The following PLSCR2 variants were observed in gnomAD, a reference collection of about 807,000 sequenced individuals.
PLSCR2 encodes PL scramblase 2.
PLSCR2 carries 18 observed loss-of-function variants against 25.3 expected under a neutral mutation model. The observed-to-expected ratio is 0.71, with a 90% confidence interval of 0.49 to 1.06. The LOEUF (loss-of-function observed/expected upper bound fraction) is 1.06, where lower values mean the gene tolerates loss of function less well. Ranked by LOEUF, PLSCR2 falls within the 50% of genes least tolerant of loss-of-function variation. PLSCR2 has a pLI of 0.00. For missense variants in PLSCR2, 243 were observed against 269.5 expected (o/e 0.90, Z 0.69); for synonymous variants, 88 against 87.3 (o/e 1.01, Z -0.04).
intron 2 of PLSCR2, among the ~76,000 whole-genome samples, chr3:146,414,956 C>G (rs929820597): frequency 6.6e-6 from 1 of 152,182 alleles, no homozygotes; most frequent in Non-Finnish European, 1.5e-5. Context: ...AAGACTATTG[C>G]TGCATTTACC....
At chr3:146,428,580 C>T (rs2039434096), downstream of PLSCR2, among the ~76,000 whole-genome samples, 1 of 152,136 alleles carries the variant, frequency 6.6e-6, no homozygotes, top group South Asian at 2.1e-4. Flanking sequence ...TTCTATAGCC[C>T]TCCCACCTTG....
Position 146,469,562 on chromosome 3 carries a change from G to GC in PLSCR2, c.-292-9279dup, listed in dbSNP as rs1276290496. ...GTCCTAGCGTGGCTTCCTCCCGTCTGCCCCGTGACTGCCAGGCACACCTGT... is the reference window on the plus strand; with the variant it reads ...GTCCTAGCGTGGCTTCCTCCCGTCTGCCCCCGTGACTGCCAGGCACACCTGT... On this transcript the variant is annotated intron_variant, in intron 1 of 8. Coordinates refer to the PLSCR2 transcript ENST00000336685. The GC allele has an allele frequency of 1.3e-5, 13 of 985,302 alleles. No individual in the cohort carries two copies. Among genetic ancestry groups the GC allele is most frequent in the Non-Finnish European group, 1.6e-5 (13 of 829,918 alleles). 61.0% of individuals were successfully genotyped at this position (985,302 alleles called of 1,614,324 possible).
At chr3:146,439,140 A>G (rs1164162381), downstream of PLSCR2, among the ~76,000 whole-genome samples, 4 of 152,034 alleles carry the variant, frequency 2.6e-5, no homozygotes, top group Non-Finnish European at 5.9e-5. Flanking sequence ...CTGCCGAGAG[A>G]TCTGCTGTTA....
At chr3:146,488,148 C>A (rs933931343) in intron 1 of PLSCR2, among the ~76,000 whole-genome samples, 6 of 151,910 alleles carry the variant, frequency 3.9e-5, no homozygotes, top group Non-Finnish European at 2.9e-5. Context: ...TGAAATTGGA[C>A]CCCTTCCTTA....
chr3:146,472,989 A>C (rs1399272849), intron 1 of PLSCR2, among the ~76,000 whole-genome samples: 1 of 152,126 alleles, frequency 6.6e-6, no homozygotes, highest in East Asian at 1.9e-4. Context: ...TCTCCTTATA[A>C]GGACACTGAT....
intron 1 of PLSCR2, among the ~76,000 whole-genome samples, chr3:146,491,170 G>T (rs2043537752): frequency 6.6e-6 from 1 of 152,024 alleles, no homozygotes; most frequent in Admixed American, 6.6e-5. Flanking sequence ...GCTGAATGTA[G>T]CTCCCCAATC....
chr3:146,418,231 C>A (rs1337996006), intron 2 of PLSCR2, among the ~76,000 whole-genome samples: 1 of 152,020 alleles, frequency 6.6e-6, no homozygotes, highest in East Asian at 1.9e-4. Flanking sequence ...TTTCTTGGTT[C>A]CCCTAAAGGA....
chr3:146,459,668 A>G (rs1252934819), intron 2 of PLSCR2, among the ~76,000 whole-genome samples, 180 bp downstream of exon 2: 3 of 152,250 alleles, frequency 2.0e-5, no homozygotes, highest in Non-Finnish European at 4.4e-5. Context: ...TTGATTTAAC[A>G]ATGAATCGAA....
At chr3:146,455,412 A>C (rs2041154365) in exon 4 of PLSCR2, 1 of 1,613,600 alleles carries the variant, frequency 6.2e-7, no homozygotes, top group Admixed American at 1.7e-5. Flanking sequence ...CTCTGCCCAA[A>C]GCTGTTCTTG....
intron 1 of PLSCR2, among the ~76,000 whole-genome samples, chr3:146,480,761 C>G (rs572821696): frequency 6.6e-6 from 1 of 152,214 alleles, no homozygotes; most frequent in South Asian, 2.1e-4. Flanking sequence ...AATACCAAAG[C>G]TTGGCAGAGA....
chr3:146,397,156 A>G (rs1310973416), intron 2 of PLSCR2, among the ~76,000 whole-genome samples: 1 of 152,114 alleles, frequency 6.6e-6, no homozygotes, highest in Admixed American at 6.6e-5. Context: ...TCAAAGGGAT[A>G]ACGACATATT....
chr3:146,440,558 A>G (rs926868194), downstream of PLSCR2, among the ~76,000 whole-genome samples: 3 of 152,202 alleles, frequency 2.0e-5, no homozygotes, highest in African/African-American at 7.2e-5. Context: ...CTCCATGGGC[A>G]TGGGACCCTC....
intron 4 of PLSCR2, among the ~76,000 whole-genome samples, chr3:146,455,023 T>A (rs1395118167): frequency 6.6e-6 from 1 of 152,194 alleles, no homozygotes; most frequent in Non-Finnish European, 1.5e-5. Context: ...TTCTGAGCAG[T>A]TGCTCAACCC....
At chr3:146,479,980 A>G (rs1270292286) in intron 1 of PLSCR2, among the ~76,000 whole-genome samples, 3 of 152,228 alleles carry the variant, frequency 2.0e-5, no homozygotes, top group Non-Finnish European at 4.4e-5. Context: ...CTGCTCCTGA[A>G]TGACTACTGG....
chr3:146,493,251 T>C (rs2043617546), intron 1 of PLSCR2, among the ~76,000 whole-genome samples: 1 of 152,138 alleles, frequency 6.6e-6, no homozygotes, highest in Non-Finnish European at 1.5e-5. Context: ...ACTGGAACTA[T>C]TGCAAAAAAT....
At chr3:146,404,753 T>A (rs2038594767) in intron 2 of PLSCR2, among the ~76,000 whole-genome samples, 1 of 121,438 alleles carries the variant, frequency 8.2e-6, no homozygotes, top group South Asian at 2.8e-4. Context: ...ACTTCCAAAA[T>A]ACAATGGTGG....
At chr3:146,421,113 C>T (rs1281748540) in intron 2 of PLSCR2, among the ~76,000 whole-genome samples, 1 of 151,866 alleles carries the variant, frequency 6.6e-6, no homozygotes, top group Non-Finnish European at 1.5e-5. Flanking sequence ...TAGGGCAGGA[C>T]AAAAGAGGCT....
At chr3:146,462,610 C>T (rs2041660170), upstream of PLSCR2, among the ~76,000 whole-genome samples, 1 of 151,442 alleles carries the variant, frequency 6.6e-6, no homozygotes, top group Admixed American at 6.6e-5. Flanking sequence ...GGATTACAGG[C>T]ACACGCCACC....
chr3:146,470,780 A>G (rs1251217510), intron 1 of PLSCR2, among the ~76,000 whole-genome samples: 1 of 152,180 alleles, frequency 6.6e-6, no homozygotes, highest in Admixed American at 6.5e-5. Flanking sequence ...AGGAAGAAGG[A>G]AAATCGAGCT....
Sources: gnomAD v4.1 joint callset for allele counts (sites outside exome capture counted in the v4.1 genomes callset) on GRCh38, gnomAD v4.1.1 for gene constraint, MANE v1.5 for transcripts, NCBI Gene and HGNC (gene_info 2026-07-23, HGNC 2026-07-21) for gene names.